FOXF1: variants seen among roughly 807,000 people sequenced by gnomAD.
The protein encoded by FOXF1 is forkhead box F1, also known as forkhead box protein F1.
FOXF1 carries 9 observed loss-of-function variants against 26.6 expected under a neutral mutation model. The ratio of observed to expected loss-of-function variants is 0.34; its 90% CI spans 0.20 to 0.59. The LOEUF (loss-of-function observed/expected upper bound fraction) is 0.59, where lower values mean the gene tolerates loss of function less well. Ranked by LOEUF, FOXF1 falls within the 20% of genes least tolerant of loss-of-function variation. The pLI is 0.83. For missense variants in FOXF1, 499 were observed against 549.9 expected (o/e 0.91, Z 0.93); for synonymous variants, 330 against 257.7 (o/e 1.28, Z -2.69).
chr16:86,511,538 C>T lies in FOXF1; in HGVS notation c.969C>T (p.Ala323=), dbSNP rs144309953. The change falls in exon 1 of 2, where the codon GCC becomes GCT. Residue 323 remains alanine (A), a synonymous_variant. Coordinates refer to ENST00000262426, the MANE Select transcript of FOXF1 (RefSeq NM_001451.3). ...YLHQNSHNAP[A]ELQGIPRYHS... Reference sequence around the variant, plus strand: ...ACCAGAACAGCCACAACGCCCCAGCCGAGCTGCAAGGTGAGTGGGGAGGCC... The same window carrying T: ...ACCAGAACAGCCACAACGCCCCAGCTGAGCTGCAAGGTGAGTGGGGAGGCC... The T allele has an allele frequency of 1.3e-6, 2 of 1,586,932 alleles. No individual in the cohort carries two copies. The highest frequency in any genetic ancestry group is 1.7e-5 in the Admixed American group (1 of 58,852).
chr16:86,512,776 G>C (rs377260633), intron 1 of FOXF1, 149 bp from the exon 2 acceptor site: 7 of 875,848 alleles, frequency 8.0e-6, no homozygotes, highest in African/African-American at 1.7e-5. Flanking sequence ...GCCGGGACTC[G>C]GGGAGGAGAG....
rs1295919855 is a variant in FOXF1 at position 86,510,661 on chromosome 16, C to A, written c.92C>A (p.Ser31Tyr). 2 of 1,606,964 alleles carry A rather than the reference C, an allele frequency of 1.2e-6. No homozygotes were observed. Among genetic ancestry groups the A allele is most frequent in the Admixed American group, 1.7e-5 (1 of 59,564 alleles). Reference protein sequence around the residue: ...GGGAAMDPASSGPSKAKKTNA... With the variant: ...GGGAAMDPASYGPSKAKKTNA... ...GGCGCGGCCATGGACCCCGCGTCGT[C>A]CGGCCCGTCCAAGGCCAAGAAGACC... The change falls in exon 1 of 2, where the codon TCC becomes TAC. Residue 31 changes from serine (S) to tyrosine (Y), a missense_variant. Ser to Tyr is a moderately radical substitution (Grantham distance 144). Transcript: ENST00000262426.
rs1969554063 is a variant in FOXF1, at chr16:86,511,044, A to C, written c.475A>C (p.Asn159His). ...GCTCAAGCCCATGTACAGCATGATG[A>C]ACGGGCTCGGCTTCAACCACCTCCC... ...QALKPMYSMM[N>H]GLGFNHLPDT... The change falls in exon 1 of 2, where the codon AAC (asparagine) becomes CAC (histidine). Residue 159 changes from asparagine (N) to histidine (H), a missense_variant. Around this residue, in one of 5 missense-constraint regions of FOXF1, gnomAD observed 367 missense variants for 324.8 expected, o/e 1.13. Coordinates refer to ENST00000262426, the MANE Select transcript of FOXF1 (RefSeq NM_001451.3). 1 of 1,611,528 alleles carries C rather than the reference A, an allele frequency of 6.2e-7. No individual in the cohort carries two copies. The highest frequency in any genetic ancestry group is 1.1e-5 in the South Asian group (1 of 91,090).
At chr16:86,512,296 C>A (rs1251112139) in intron 1 of FOXF1, among the ~76,000 whole-genome samples, 1 of 152,184 alleles carries the variant, frequency 6.6e-6, no homozygotes, top group African/African-American at 2.4e-5. Flanking sequence ...CTGATTCTGC[C>A]CCAGGCCCCC....
intron 1 of FOXF1, 151 bp downstream of exon 1, chr16:86,511,699 C>T (rs1969568700): frequency 8.9e-7 from 1 of 1,126,480 alleles, no homozygotes; most frequent in Non-Finnish European, 1.3e-6. Context: ...TTGGCCCCAC[C>T]TCTCCCCCTT....
chr16:86,510,597 C>A lies in FOXF1; in HGVS notation c.28C>A (p.Pro10Thr). The part of the protein sequence containing the change: MSSAPEKQQ[P>T]PHGGGGGGGG... ...GTCTTCGGCGCCCGAGAAGCAGCAG[C>A]CACCGCACGGCGGCGGCGGCGGCGG... The change falls in exon 1 of 2, where the codon CCA (proline) becomes ACA (threonine). Residue 10 changes from proline (P) to threonine (T), a missense_variant. Pro to Thr is a conservative substitution (Grantham distance 38). Transcript: ENST00000262426. The A allele has an allele frequency of 7.2e-7, 1 of 1,385,518 alleles. No individual in the cohort carries two copies. The highest frequency in any genetic ancestry group is 9.3e-7 in the Non-Finnish European group (1 of 1,078,432). 85.8% of individuals were successfully genotyped at this position (1,385,518 alleles called of 1,614,324 possible).
chr16:86,511,703 C>T (rs866257934), intron 1 of FOXF1, among the ~76,000 whole-genome samples, 155 bp downstream of exon 1: 1 of 152,172 alleles, frequency 6.6e-6, no homozygotes, highest in Non-Finnish European at 1.5e-5. Flanking sequence ...CCCCACCTCT[C>T]CCCCTTCGAA....
In FOXF1 at chr16:86,514,115, C is replaced by T. The variant is rs1205835195; in HGVS notation, c.*1030C>T. 6.6e-6 allele frequency: 1 copy of T among 152,176 alleles called. No homozygotes were observed. The highest frequency in any genetic ancestry group is 1.5e-5 in the Non-Finnish European group (1 of 68,046). 9.4% of individuals were successfully genotyped at this position (152,176 alleles called of 1,614,324 possible). A position where few individuals can be genotyped will look rare whatever the true frequency, so the allele number is the denominator to read the frequency against. On this transcript the variant is annotated 3_prime_UTR_variant, in exon 2 of 2. Coordinates refer to ENST00000262426, the MANE Select transcript of FOXF1 (RefSeq NM_001451.3). Reference sequence around the variant, plus strand: ...CCGTTTATCAGTATTAATGGTGTAACTTTGTTGGCAATATTTGCCGTGTAG... The same window carrying T: ...CCGTTTATCAGTATTAATGGTGTAATTTTGTTGGCAATATTTGCCGTGTAG...
At position 86,511,447 on chromosome 16, in the gene FOXF1, G is replaced by A. The variant is rs774102387; in HGVS notation, c.878G>A (p.Cys293Tyr). ...SYIKQQPLSP[C>Y]NPAANPLSGS... ...ATCAAGCAGCAGCCCCTGTCCCCCT[G>A]TAACCCCGCGGCCAACCCCCTGTCC... Residue 293 changes from cysteine (C) to tyrosine (Y), a missense_variant, in exon 1 of 2, where the codon TGT becomes TAT. Cys to Tyr is a radical substitution (Grantham distance 194, BLOSUM62 -2). Transcript: ENST00000262426. 2.5e-6 allele frequency: 4 copies of A among 1,594,506 alleles called. 1 individual carries two copies. Among genetic ancestry groups the A allele is most frequent in the South Asian group, 2.2e-5 (2 of 90,464 alleles).
intron 1 of FOXF1, among the ~76,000 whole-genome samples, chr16:86,512,596 T>A (rs1423536266): frequency 6.6e-6 from 1 of 152,176 alleles, no homozygotes; most frequent in African/African-American, 2.4e-5. Flanking sequence ...GCCATGGGCG[T>A]TAGGGGCCCT....
At chr16:86,511,701 C>G (rs936705688) in intron 1 of FOXF1, among the ~76,000 whole-genome samples, 153 bp downstream of exon 1, 2 of 152,180 alleles carry the variant, frequency 1.3e-5, no homozygotes, top group African/African-American at 2.4e-5. Flanking sequence ...GGCCCCACCT[C>G]TCCCCCTTCG....
Position 86,514,511 on chromosome 16 carries a change from G to A in FOXF1, c.*1426G>A, listed in dbSNP as rs1420838340. The A allele has an allele frequency of 6.6e-6, 1 of 151,904 alleles. No homozygotes were observed. Among genetic ancestry groups the A allele is most frequent in the Non-Finnish European group, 1.5e-5 (1 of 67,934 alleles). 9.4% of individuals were successfully genotyped at this position (151,904 alleles called of 1,614,324 possible). A position where few individuals can be genotyped will look rare whatever the true frequency, so the allele number is the denominator to read the frequency against. Reference sequence around the variant, plus strand: ...ACCTTCCAGACTCCCAAAGATAGAGGGGGGAAAAAAGAAAAAACAGGCTTT... The same window carrying A: ...ACCTTCCAGACTCCCAAAGATAGAGAGGGGAAAAAAGAAAAAACAGGCTTT... On this transcript the variant is annotated 3_prime_UTR_variant, in exon 2 of 2. Coordinates refer to ENST00000262426, the MANE Select transcript of FOXF1 (RefSeq NM_001451.3).
chr16:86,511,289 C>G lies in FOXF1; in HGVS notation c.720C>G (p.Asp240Glu), dbSNP rs1186447714. ...CGGCCGGCGAGTACCCGCACCACGA[C>G]AGCTCGGTGCCCGCCTCCCCGCTGC... ...GAAAGEYPHHDSSVPASPLLP... is the reference protein window; with the variant it reads ...GAAAGEYPHHESSVPASPLLP... The change falls in exon 1 of 2, where the codon GAC (aspartate) becomes GAG (glutamate). Residue 240 changes from aspartate (D) to glutamate (E), a missense_variant. Asp to Glu is a conservative substitution (Grantham distance 45). This residue lies in a region of FOXF1 where 367 missense variants were observed against 324.8 expected (regional missense o/e 1.13). Coordinates refer to ENST00000262426, the MANE Select transcript of FOXF1 (RefSeq NM_001451.3). 6.6e-7 allele frequency: 1 copy of G among 1,523,200 alleles called. No individual in the cohort carries two copies. The highest frequency in any genetic ancestry group is 1.4e-5 in the African/African-American group (1 of 72,016). The allele number at this position is 1,523,200 out of a possible 1,614,324, so 94.4% of individuals were successfully genotyped here. A position where few individuals can be genotyped will look rare whatever the true frequency, so the allele number is the denominator to read the frequency against.
In FOXF1 at chr16:86,513,438, G is replaced by A. The variant is rs112646746; in HGVS notation, c.*353G>A. 3 of 281,842 alleles carry A rather than the reference G, an allele frequency of 1.1e-5. No homozygotes were observed. The highest frequency in any genetic ancestry group is 6.6e-5 in the South Asian group (1 of 15,080). The allele number at this position is 281,842 out of a possible 1,614,324, so 17.5% of individuals were successfully genotyped here. On this transcript the variant is annotated 3_prime_UTR_variant, in exon 2 of 2. Coordinates refer to ENST00000262426, the MANE Select transcript of FOXF1 (RefSeq NM_001451.3). ...TTCTGCTGAGGTCCCCCCTCCTTCC[G>A]GCCAATGGCAGAAGTGGGGGAAAAT...
Position 86,511,118 on chromosome 16 carries a change from C to A in FOXF1, c.549C>A (p.Pro183=), listed in dbSNP as rs553085151. The A allele has an allele frequency of 3.1e-6, 5 of 1,604,898 alleles. No individual in the cohort carries two copies. In the South Asian group the frequency reaches 5.5e-5, roughly 18 times the overall value. The part of the protein sequence containing the change: ...QGSAGGLSCP[P]NSLALEGGLG... ...CGGCCGGCGGCCTCTCGTGCCCGCC[C>A]AACAGCCTGGCGCTGGAGGGCGGCC... is the stretch of plus-strand genomic sequence containing the variant. Residue 183 remains proline, a synonymous_variant, in exon 1 of 2, where the codon CCC becomes CCA. Coordinates refer to ENST00000262426, the MANE Select transcript of FOXF1 (RefSeq NM_001451.3).
chr16:86,511,019 G>T lies in FOXF1; in HGVS notation c.450G>T (p.Ala150=), dbSNP rs761732125. 2.4e-5 allele frequency: 38 copies of T among 1,612,174 alleles called. No homozygotes were observed. The highest frequency in any genetic ancestry group is 1.7e-5 in the Admixed American group (1 of 60,000). Residue 150 remains alanine (A), a synonymous_variant, in exon 1 of 2, where the codon GCG becomes GCT. Transcript: ENST00000262426. ...GCGGCTTCCGAAGGAAATGCCAGGC[G>T]CTCAAGCCCATGTACAGCATGATGA... The part of the protein sequence containing the change: ...RPRGFRRKCQ[A]LKPMYSMMNG...
At position 86,513,393 on chromosome 16, in the gene FOXF1, C is replaced by A; in HGVS notation, c.*308C>A. The A allele has an allele frequency of 2.7e-6, 1 of 373,472 alleles. No individual in the cohort carries two copies. The highest frequency in any genetic ancestry group is 4.7e-6 in the Non-Finnish European group (1 of 213,710). 23.1% of individuals were successfully genotyped at this position (373,472 alleles called of 1,614,324 possible). The stretch of plus-strand genomic sequence containing the variant: ...TGAGACGGTGCTGTGCAGGGGAAAG[C>A]CCCCGCACCCACACAGGAATTCTGC... On this transcript the variant is annotated 3_prime_UTR_variant, in exon 2 of 2. Coordinates refer to ENST00000262426, the MANE Select transcript of FOXF1 (RefSeq NM_001451.3).
Position 86,513,169 on chromosome 16 carries a change from G to T in FOXF1, c.*84G>T. ...CACAAGAAACTGCTTTCTTCTCGAG[G>T]TATAACCGTCGGCAGAAGAAAAGGG... On this transcript the variant is annotated 3_prime_UTR_variant, in exon 2 of 2. Transcript: ENST00000262426. The T allele has an allele frequency of 1.4e-6, 2 of 1,461,866 alleles. No homozygotes were observed. The highest frequency in any genetic ancestry group is 1.9e-6 in the Non-Finnish European group (2 of 1,063,614). 90.6% of individuals were successfully genotyped at this position (1,461,866 alleles called of 1,614,324 possible).
Position 86,511,361 on chromosome 16 carries a change from G to A in FOXF1, c.792G>A (p.Ser264=). 3.2e-6 allele frequency: 5 copies of A among 1,565,506 alleles called. No individual in the cohort carries two copies. The highest frequency in any genetic ancestry group is 3.4e-6 in the Non-Finnish European group (4 of 1,165,264). ...TCATGGAGCCGCACGCCGTCTACTCGGGCTCGGCGGCGGCCTGGCCGCCCT... is the reference window on the plus strand; with the variant it reads ...TCATGGAGCCGCACGCCGTCTACTCAGGCTCGGCGGCGGCCTGGCCGCCCT... The part of the protein sequence containing the change: ...GGVMEPHAVY[S]GSAAAWPPSA... The change falls in exon 1 of 2, where the codon TCG becomes TCA. Residue 264 remains serine (S), a synonymous_variant. Coordinates refer to ENST00000262426, the MANE Select transcript of FOXF1 (RefSeq NM_001451.3).
Sources: gnomAD v4.1 joint callset for allele counts (sites outside exome capture counted in the v4.1 genomes callset) on GRCh38, gnomAD v4.1.1 for gene constraint, gnomAD v4.1.1 regional missense constraint, MANE v1.5 for transcripts, NCBI Gene and HGNC (gene_info 2026-07-23, HGNC 2026-07-21) for gene names.